MAP3K2: variants seen among roughly 807,000 people sequenced by gnomAD.
MAP3K2 encodes mitogen-activated protein kinase kinase kinase 2, also known as MAP/ERK kinase kinase 2.
A neutral mutation model predicts 80.3 loss-of-function variants in MAP3K2; 24 were observed. That is an observed-to-expected ratio of 0.30 (90% CI 0.22 to 0.42). The LOEUF is 0.42. MAP3K2 is among the 10% of genes least tolerant of loss of function. The pLI is 1.00. For missense variants in MAP3K2, 608 were observed against 750.1 expected, an observed-to-expected ratio of 0.81 and a Z score of 2.21; for synonymous variants, 244 against 253.7, an observed-to-expected ratio of 0.96 and a Z score of 0.36.
At chr2:127,372,187 ACT>A (rs1451514517) in intron 1 of MAP3K2, among the ~76,000 whole-genome samples, 12 of 152,190 alleles carry the variant, frequency 7.9e-5, no homozygotes, top group Non-Finnish European at 1.6e-4. Context: ...CACTGGGGTA[ACT>A]GATAGTGATT....
chr2:127,314,259 G>C (rs1319850612), intron 15 of MAP3K2, among the ~76,000 whole-genome samples: 1 of 152,146 alleles, frequency 6.6e-6, no homozygotes, highest in Non-Finnish European at 1.5e-5. Context: ...TCCCTCGGTA[G>C]TGACACCCAT....
intron 5 of MAP3K2, among the ~76,000 whole-genome samples, chr2:127,331,236 AAT>A (rs754613687): frequency 1.6e-4 from 25 of 152,330 alleles, no homozygotes; most frequent in Non-Finnish European, 3.2e-4. Context: ...AAGAAATAAA[AAT>A]ATGTCCTTTT....
intron 1 of MAP3K2, among the ~76,000 whole-genome samples, chr2:127,357,833 C>G (rs1003309649): frequency 2.6e-5 from 4 of 151,894 alleles, no homozygotes. Context: ...GATCATAAAC[C>G]TACATATAAG....
Position 127,301,450 on chromosome 2 carries a change from G to A in MAP3K2, c.*6129C>T, listed in dbSNP as rs547427193. 1 of 152,280 alleles carries A rather than the reference G, an allele frequency of 6.6e-6. No individual in the cohort carries two copies. Among genetic ancestry groups the A allele is most frequent in the Admixed American group, 6.5e-5 (1 of 15,282 alleles). 9.4% of individuals were successfully genotyped at this position (152,280 alleles called of 1,614,324 possible). Reference sequence around the variant, plus strand: ...TGATCACCTGTCCTTTTCCTTGAAGGATATACCAGAATACAAATTCTACTA... The same window carrying A: ...TGATCACCTGTCCTTTTCCTTGAAGAATATACCAGAATACAAATTCTACTA... On this transcript the variant is annotated 3_prime_UTR_variant, in exon 17 of 17. Transcript: ENST00000682094.
At chr2:127,323,172 C>T (rs1000294881) in intron 11 of MAP3K2, among the ~76,000 whole-genome samples, 8 of 151,186 alleles carry the variant, frequency 5.3e-5, no homozygotes, top group African/African-American at 1.7e-4. Context: ...GAGGCCAAGG[C>T]AAGTGGATCA....
chr2:127,325,578 C>T (rs1232796026), intron 9 of MAP3K2, 150 bp downstream of exon 9: 1 of 565,428 alleles, frequency 1.8e-6, no homozygotes, highest in East Asian at 2.9e-5. Flanking sequence ...GTCCTAGTTC[C>T]TCGGGGGTCA....
rs187844684 is a variant in MAP3K2, at chr2:127,320,216, T to C, written c.1045+1830A>G. Among the ~76,000 whole-genome samples, 15 of 152,254 alleles carry C rather than the reference T, an allele frequency of 9.9e-5. No individual in the cohort carries two copies. In the East Asian group the frequency reaches 2.7e-3, roughly 27 times the overall value. On this transcript the variant is annotated intron_variant, in intron 12 of 16. Transcript: ENST00000682094. ...TCAGAAGGGAAATTTAAAATAACTA[T>C]GACTAACATGTTAAAGGTTCTAATG...
intron 1 of MAP3K2, among the ~76,000 whole-genome samples, chr2:127,352,973 T>C (rs540659353): frequency 8.5e-5 from 13 of 152,284 alleles, no homozygotes; most frequent in South Asian, 8.3e-4. Flanking sequence ...GGTGCCGGGA[T>C]TGCAGATGGA....
Position 127,304,222 on chromosome 2 carries a change from A to T in MAP3K2, c.*3357T>A, listed in dbSNP as rs1036982142. ...TTTTTAAGTTAGAAAGATGTTTTGT[A>T]AACAAGGAAAAGTGCTGAAAATTTT... is the stretch of plus-strand genomic sequence containing the variant. On this transcript the variant is annotated 3_prime_UTR_variant, in exon 17 of 17. Coordinates refer to ENST00000682094, the MANE Select transcript of MAP3K2 (RefSeq NM_001371910.2). 6.6e-5 allele frequency: 10 copies of T among 152,146 alleles called. No homozygotes were observed. The highest frequency in any genetic ancestry group is 1.0e-4 in the Non-Finnish European group (7 of 68,010). 9.4% of individuals were successfully genotyped at this position (152,146 alleles called of 1,614,324 possible). A position where few individuals can be genotyped will look rare whatever the true frequency, so the allele number is the denominator to read the frequency against.
intron 1 of MAP3K2, among the ~76,000 whole-genome samples, chr2:127,362,393 T>C (rs1345538916): frequency 6.6e-6 from 1 of 152,254 alleles, no homozygotes; most frequent in East Asian, 1.9e-4. Flanking sequence ...ATGCAAATGT[T>C]TGTTAAACAA....
At chr2:127,341,817 C>A (rs926047945) in intron 2 of MAP3K2, among the ~76,000 whole-genome samples, 19 of 152,080 alleles carry the variant, frequency 1.2e-4, no homozygotes, top group African/African-American at 4.6e-4. Flanking sequence ...CAGGCATGAG[C>A]CACCACGCCC....
chr2:127,342,990 TAAAAC>T lies in MAP3K2; in HGVS notation c.4+131_4+135del, dbSNP rs1686527140. 2.0e-5 allele frequency: 13 copies of T among 634,664 alleles called. No homozygotes were observed. In the South Asian group the frequency reaches 3.2e-4, roughly 16 times the overall value. 39.3% of individuals were successfully genotyped at this position (634,664 alleles called of 1,614,324 possible). ...TAATTCAAAGTCTATTAAGTAAATA[TAAAAC>T]ATTTCATAAATCTGCTATATCATAA... On this transcript the variant is annotated intron_variant, in intron 2 of 16. Coordinates refer to ENST00000682094, the MANE Select transcript of MAP3K2 (RefSeq NM_001371910.2).
chr2:127,353,717 C>T lies in MAP3K2; in HGVS notation c.-65-10523G>A, dbSNP rs563874831. Among the ~76,000 whole-genome samples the T allele has an allele frequency of 2.1e-3, 313 of 152,142 alleles. 3 individuals carry two copies. The highest frequency in any genetic ancestry group is 7.2e-3 in the African/African-American group (297 of 41,468). On this transcript the variant is annotated intron_variant, in intron 1 of 16. Transcript: ENST00000682094. ...CTGGGAAGTGAGGAGCCCCTCTGCC[C>T]GGCCACCACCCCGTCTGGGAGGTGT...
intron 1 of MAP3K2, among the ~76,000 whole-genome samples, chr2:127,378,935 G>A (rs939376625): frequency 1.3e-5 from 2 of 151,082 alleles, no homozygotes; most frequent in African/African-American, 4.9e-5. Flanking sequence ...TGGAACTACC[G>A]GCGTGTGTGC....
intron 15 of MAP3K2, among the ~76,000 whole-genome samples, chr2:127,313,121 A>T: frequency 6.6e-6 from 1 of 152,112 alleles, no homozygotes; most frequent in Admixed American, 6.6e-5. Flanking sequence ...TTATTCTCTT[A>T]TCAATATATT....
At chr2:127,329,807 G>A in intron 7 of MAP3K2, 114 bp downstream of exon 7, 1 of 638,006 alleles carries the variant, frequency 1.6e-6, no homozygotes, top group Non-Finnish European at 2.7e-6. Flanking sequence ...ATTATAGGAA[G>A]TAGAGAAATA....
Position 127,307,915 on chromosome 2 carries a change from A to G in MAP3K2, c.1635-111T>C. 1.6e-6 allele frequency: 1 copy of G among 638,196 alleles called. No homozygotes were observed. Among genetic ancestry groups the G allele is most frequent in the East Asian group, 2.9e-5 (1 of 35,042 alleles). 39.5% of individuals were successfully genotyped at this position (638,196 alleles called of 1,614,324 possible). ...GTCCATATATATTTAAATATGACTT[A>G]ATTTCAAGTTCAAAGTTTCATTAAA... On this transcript the variant is annotated intron_variant, in intron 16 of 16. Transcript: ENST00000682094. This position sits in a 1 kb window ranked among gnomAD's most constrained non-coding sequence, Gnocchi z 5.4.
At position 127,310,429 on chromosome 2, in the gene MAP3K2, G is replaced by A. The variant is rs921724088; in HGVS notation, c.1457-1667C>T. Among the ~76,000 whole-genome samples the A allele has an allele frequency of 1.3e-5, 2 of 152,110 alleles. No homozygotes were observed. Among genetic ancestry groups the A allele is most frequent in the East Asian group, 1.9e-4 (1 of 5,192 alleles). ...TTTGGGAGGCAAAGGTGGGTGGATC[G>A]CTTGAGCTCAGGAATTCAAGGCCAG... On this transcript the variant is annotated intron_variant, in intron 15 of 16. Transcript: ENST00000682094. This position sits in a 1 kb window ranked among gnomAD's most constrained non-coding sequence, Gnocchi z 4.8.
intron 1 of MAP3K2, 42 bp downstream of exon 1, chr2:127,387,410 A>ACACACACACC: frequency 1.1e-6 from 1 of 890,730 alleles, no homozygotes; most frequent in Non-Finnish European, 1.3e-6. Context: ...ACACACACAC[A>ACACACACACC]CACACACACA....
Sources: gnomAD v4.1 joint callset for allele counts (sites outside exome capture counted in the v4.1 genomes callset) on GRCh38, gnomAD v4.1.1 for gene constraint, Gnocchi (gnomAD v3.1) non-coding constraint, MANE v1.5 for transcripts, NCBI Gene and HGNC (gene_info 2026-07-23, HGNC 2026-07-21) for gene names.